The following SUSD1 variants were observed in gnomAD, a reference collection of about 807,000 sequenced individuals.
The protein encoded by SUSD1 is sushi domain-containing protein 1.
A neutral mutation model predicts 86.9 loss-of-function variants in SUSD1; 65 were observed. The ratio of observed to expected loss-of-function variants is 0.75; its 90% CI spans 0.61 to 0.92. The LOEUF (loss-of-function observed/expected upper bound fraction) is 0.92. SUSD1 is among the 40% of genes least tolerant of loss of function. The pLI, the probability that SUSD1 is intolerant of heterozygous loss-of-function variation, is 0.00. For missense variants in SUSD1, 850 were observed against 929.7 expected (o/e 0.91, Z 1.11); for synonymous variants, 346 against 350.0 (o/e 0.99, Z 0.13).
intron 9 of SUSD1, among the ~76,000 whole-genome samples, chr9:112,101,919 G>A (rs1830651227): frequency 6.6e-6 from 1 of 152,166 alleles, no homozygotes; most frequent in South Asian, 2.1e-4. Context: ...AAGCTGTATT[G>A]TTTAATGCAT....
chr9:112,157,426 C>T (rs1037305697), intron 2 of SUSD1, 74 bp downstream of exon 2: 8 of 996,072 alleles, frequency 8.0e-6, no homozygotes, highest in Admixed American at 2.4e-5. Flanking sequence ...TCCCCAAGGA[C>T]ATCAACTCTT....
chr9:112,095,365 G>C (rs978657502), intron 10 of SUSD1, among the ~76,000 whole-genome samples: 1 of 152,188 alleles, frequency 6.6e-6, no homozygotes, highest in Non-Finnish European at 1.5e-5. Flanking sequence ...AAGTAAGAAC[G>C]TTCTCAGAGG....
chr9:112,156,310 A>C (rs966509253), intron 2 of SUSD1, among the ~76,000 whole-genome samples: 2 of 152,036 alleles, frequency 1.3e-5, no homozygotes, highest in Non-Finnish European at 2.9e-5. Flanking sequence ...AAAAATACGA[A>C]AATTAGCTGG....
chr9:112,155,359 G>A (rs1349965587), intron 2 of SUSD1, among the ~76,000 whole-genome samples: 2 of 152,108 alleles, frequency 1.3e-5, no homozygotes, highest in Non-Finnish European at 2.9e-5. Flanking sequence ...CTATCTCACT[G>A]CTAGCAAGTG....
chr9:112,126,726 C>A (rs1483337005), intron 5 of SUSD1, among the ~76,000 whole-genome samples: 1 of 152,152 alleles, frequency 6.6e-6, no homozygotes, highest in Non-Finnish European at 1.5e-5. Flanking sequence ...GTGCTGGAGT[C>A]CCACACCCAC....
At chr9:112,151,304 G>C (rs1000815462) in intron 2 of SUSD1, among the ~76,000 whole-genome samples, 1 of 152,064 alleles carries the variant, frequency 6.6e-6, no homozygotes, top group African/African-American at 2.4e-5. Context: ...ATTTATAAAA[G>C]TATCTTTCTT....
At chr9:112,053,370 C>T (rs914710478) in intron 14 of SUSD1, among the ~76,000 whole-genome samples, 1 of 151,606 alleles carries the variant, frequency 6.6e-6, no homozygotes, top group Admixed American at 6.6e-5. Context: ...TAAAAATTAG[C>T]TAGGTGTGGT....
chr9:112,128,327 C>T (rs534465737), intron 5 of SUSD1, among the ~76,000 whole-genome samples: 19 of 152,016 alleles, frequency 1.2e-4, no homozygotes, highest in Admixed American at 1.0e-3. Flanking sequence ...CTCCTGAGCT[C>T]AAATGATCTG....
At chr9:112,092,367 T>C (rs1366185585) in intron 10 of SUSD1, among the ~76,000 whole-genome samples, 1 of 152,244 alleles carries the variant, frequency 6.6e-6, no homozygotes, top group Non-Finnish European at 1.5e-5. Context: ...GCTCAGACAC[T>C]GTCCTATTTA....
intron 12 of SUSD1, among the ~76,000 whole-genome samples, chr9:112,064,852 G>A (rs1828904293): frequency 6.6e-6 from 1 of 150,554 alleles, no homozygotes; most frequent in African/African-American, 2.4e-5. Flanking sequence ...CTCCAGCCTG[G>A]GTGACAGAGT....
chr9:112,119,506 C>T (rs1234408875), intron 6 of SUSD1, among the ~76,000 whole-genome samples: 1 of 152,142 alleles, frequency 6.6e-6, no homozygotes, highest in Admixed American at 6.5e-5. Flanking sequence ...AGGATCCTAG[C>T]GATAAACAGC....
intron 12 of SUSD1, among the ~76,000 whole-genome samples, chr9:112,072,140 CTT>C: frequency 0.024 from 2,895 of 121,120 alleles, 36 homozygotes; most frequent in African/African-American, 0.081. Context: ...CTTTCTTTCT[CTT>C]TTTTTTTTTT....
chr9:112,156,416 C>T (rs550391901), intron 2 of SUSD1, among the ~76,000 whole-genome samples: 95 of 151,394 alleles, frequency 6.3e-4, no homozygotes, highest in African/African-American at 1.8e-3. Flanking sequence ...GAGCCAAGAT[C>T]GCACCACTGC....
intron 6 of SUSD1, among the ~76,000 whole-genome samples, chr9:112,114,494 C>CAAA (rs1831232178): frequency 6.6e-6 from 1 of 152,046 alleles, no homozygotes; most frequent in Admixed American, 6.6e-5. Context: ...AAAACAAAAA[C>CAAA]AAAAACAAAC....
Position 112,098,612 on chromosome 9 carries a change from T to C in SUSD1, c.1332A>G (p.Thr444=). ...GTTCCCTCGTTGTGAAGTTAAACGA[T>C]GTTGCATGAGAAAAGTTAGCCAGAT... The part of the protein sequence containing the change: ...RWYLANFSHA[T]SFNFTTREQV... Residue 444 remains threonine, a synonymous_variant, in exon 10 of 17, where the codon ACA becomes ACG. Coordinates refer to ENST00000374270, the MANE Select transcript of SUSD1 (RefSeq NM_022486.5). 3.7e-6 allele frequency: 6 copies of C among 1,614,142 alleles called. No homozygotes were observed. The highest frequency in any genetic ancestry group is 5.1e-6 in the Non-Finnish European group (6 of 1,180,024).
At chr9:112,052,495 A>G in intron 14 of SUSD1, 57 bp from the exon 15 acceptor site, 2 of 1,604,594 alleles carry the variant, frequency 1.2e-6, no homozygotes, top group Non-Finnish European at 1.7e-6. Context: ...GTCAGTTTAA[A>G]TATAGTTTGG....
At chr9:112,106,305 C>T (rs1184288362) in intron 8 of SUSD1, among the ~76,000 whole-genome samples, 1 of 152,106 alleles carries the variant, frequency 6.6e-6, no homozygotes, top group Non-Finnish European at 1.5e-5. Flanking sequence ...GTCACACCTT[C>T]TAACTCTTCT....
chr9:112,079,323 C>T (rs548214341), intron 11 of SUSD1, among the ~76,000 whole-genome samples: 61 of 152,196 alleles, frequency 4.0e-4, no homozygotes, highest in Non-Finnish European at 5.9e-4. Context: ...TATTCTCACA[C>T]ATACAGTGCA....
Position 112,072,980 on chromosome 9 carries a change from G to A in SUSD1, c.1753+5558C>T, listed in dbSNP as rs182579813. ...AGATGGGTTTCTCACTGAGGACACA[G>A]GGGTACAGCATCCTTGGATGGTTTG... On this transcript the variant is annotated intron_variant, in intron 12 of 16. Transcript: ENST00000374270. Among the ~76,000 whole-genome samples the A allele has an allele frequency of 5.3e-5, 8 of 152,338 alleles. No individual in the cohort carries two copies. In the East Asian group the frequency reaches 1.4e-3, roughly 26 times the overall value.
Sources: gnomAD v4.1 joint callset for allele counts (sites outside exome capture counted in the v4.1 genomes callset) on GRCh38, gnomAD v4.1.1 for gene constraint, MANE v1.5 for transcripts, NCBI Gene and HGNC (gene_info 2026-07-23, HGNC 2026-07-21) for gene names.